The following GCFC2 variants were observed in gnomAD, a reference collection of about 807,000 sequenced individuals.
GCFC2 encodes the protein GC-rich sequence DNA-binding factor 2.
Under a neutral mutation model 99.4 loss-of-function variants are expected in GCFC2, and 102 were observed. That is an observed-to-expected ratio of 1.03 (90% CI 0.87 to 1.21). The LOEUF (loss-of-function observed/expected upper bound fraction) is 1.21. GCFC2 is among the 50% of genes most tolerant of loss of function. The probability of loss-of-function intolerance (pLI) is 0.00; values close to 1 mark genes in which losing one functional copy is unlikely to be tolerated. For synonymous variants in GCFC2, 338 were observed against 316.8 expected (o/e 1.07, Z -0.71); for missense variants, 973 against 920.9 (o/e 1.06, Z -0.73).
At chr2:75,682,800 C>T (rs1679637449) in intron 11 of GCFC2, among the ~76,000 whole-genome samples, 1 of 151,792 alleles carries the variant, frequency 6.6e-6, no homozygotes. Flanking sequence ...GTGAAGCATA[C>T]ACAGGTATCA....
chr2:75,694,558 A>G, intron 5 of GCFC2, 131 bp from the exon 6 acceptor site: 1 of 399,334 alleles, frequency 2.5e-6, no homozygotes. Flanking sequence ...CTAGATAAGC[A>G]AAGAACACCA....
intron 3 of GCFC2, 87 bp from the exon 4 acceptor site, chr2:75,701,374 G>C (rs1680583908): frequency 1.4e-6 from 1 of 720,090 alleles, no homozygotes; most frequent in Non-Finnish European, 2.5e-6. Context: ...TTATACAAAG[G>C]CTTAGCACCA....
At position 75,690,061 on chromosome 2, in the gene GCFC2, C is replaced by T. The variant is rs761063205; in HGVS notation, c.1247G>A (p.Arg416Lys). 6 of 1,602,324 alleles carry T rather than the reference C, an allele frequency of 3.7e-6. No homozygotes were observed. The South Asian group carries it at 5.5e-5, about 15-fold the overall frequency. ...ATGGTTACAATTCCCAGAAAGCACC[C>T]TTGCTTGTCTTCTTTTTGTCCTATA... Reference protein sequence around the residue: ...ESRRTKRRQARVLSGNCNHQE... With the variant: ...ESRRTKRRQAKVLSGNCNHQE... Residue 416 changes from arginine to lysine, a missense_variant, in exon 9 of 17, where the codon AGG becomes AAG. By Grantham distance (26) the Arg-to-Lys change is conservative. Coordinates refer to ENST00000321027, the MANE Select transcript of GCFC2 (RefSeq NM_003203.5).
intron 12 of GCFC2, among the ~76,000 whole-genome samples, chr2:75,674,929 G>GA (rs935748388): frequency 1.3e-4 from 19 of 151,612 alleles, no homozygotes; most frequent in African/African-American, 4.4e-4. Context: ...TCTGTTCAAA[G>GA]AAAAAAAAGC....
chr2:75,673,029 G>A (rs1679176859), intron 13 of GCFC2, among the ~76,000 whole-genome samples: 1 of 152,180 alleles, frequency 6.6e-6, no homozygotes, highest in Admixed American at 6.5e-5. Context: ...CACTATAGTT[G>A]GCCGGGCGCG....
chr2:75,686,180 ATAG>A (rs1469980309), intron 11 of GCFC2, among the ~76,000 whole-genome samples: 3 of 152,236 alleles, frequency 2.0e-5, no homozygotes, highest in South Asian at 4.1e-4. Flanking sequence ...TTAGTTAAAA[ATAG>A]TAACTTTCTA....
At chr2:75,671,379 T>C (rs1413600850) in intron 14 of GCFC2, among the ~76,000 whole-genome samples, 1 of 152,220 alleles carries the variant, frequency 6.6e-6, no homozygotes, top group East Asian at 1.9e-4. Context: ...TTCAGACTTA[T>C]GTATCCAACC....
intron 1 of GCFC2, 27 bp downstream of exon 1, chr2:75,710,564 C>A: frequency 6.8e-7 from 1 of 1,478,038 alleles, no homozygotes. Context: ...CCGTCACCTC[C>A]CCGCTTCCCC....
intron 12 of GCFC2, among the ~76,000 whole-genome samples, chr2:75,676,814 C>T (rs1250056316): frequency 6.6e-6 from 1 of 152,212 alleles, no homozygotes; most frequent in African/African-American, 2.4e-5. Flanking sequence ...TTTCTTGAAT[C>T]AGTCAATTTT....
Position 75,670,253 on chromosome 2 carries a change from A to T in GCFC2, c.1988T>A (p.Leu663His), listed in dbSNP as rs776391955. 2.5e-6 allele frequency: 4 copies of T among 1,606,308 alleles called. No individual in the cohort carries two copies. The highest frequency in any genetic ancestry group is 3.4e-6 in the Non-Finnish European group (4 of 1,173,154). ...TTCTTGCAAGGTGTCATCTGTAAGGAGTCCATTCCAAAGAAGAATATTGCG... is the reference window on the plus strand; with the variant it reads ...TTCTTGCAAGGTGTCATCTGTAAGGTGTCCATTCCAAAGAAGAATATTGCG... ...LFRNILLWNG[L>H]LTDDTLQELG... Residue 663 changes from leucine (L) to histidine (H), a missense_variant, in exon 15 of 17, where the codon CTC becomes CAC. Coordinates refer to ENST00000321027, the MANE Select transcript of GCFC2 (RefSeq NM_003203.5).
At chr2:75,668,869 A>G (rs536939913) in intron 15 of GCFC2, among the ~76,000 whole-genome samples, 11 of 152,308 alleles carry the variant, frequency 7.2e-5, no homozygotes, top group African/African-American at 2.6e-4. Flanking sequence ...AAAGAGCTGT[A>G]TCCCTCCTTC....
intron 6 of GCFC2, 57 bp from the exon 7 acceptor site, chr2:75,692,157 A>T: frequency 2.1e-6 from 1 of 471,980 alleles, no homozygotes; most frequent in Non-Finnish European, 3.4e-6. Flanking sequence ...ATATATATAT[A>T]TATATATATA....
upstream of GCFC2, chr2:75,711,184 C>T (rs1157941700): frequency 2.2e-5 from 22 of 985,222 alleles, no homozygotes; most frequent in Non-Finnish European, 2.3e-5. Context: ...TGTGCAAACC[C>T]CATCCAGAAA....
chr2:75,665,616 C>G (rs1404688044), intron 16 of GCFC2, among the ~76,000 whole-genome samples: 1 of 152,134 alleles, frequency 6.6e-6, no homozygotes, highest in Non-Finnish European at 1.5e-5. Context: ...ACTGTTGAGT[C>G]TCTAAAAATG....
upstream of GCFC2, chr2:75,711,073 C>G: frequency 7.6e-7 from 1 of 1,309,670 alleles, no homozygotes; most frequent in Non-Finnish European, 9.7e-7. Context: ...GTTTGCAAAG[C>G]ATTCCCTTTG....
At chr2:75,678,769 G>A (rs1213898321) in intron 12 of GCFC2, among the ~76,000 whole-genome samples, 1 of 152,194 alleles carries the variant, frequency 6.6e-6, no homozygotes, top group African/African-American at 2.4e-5. Flanking sequence ...CCTTTTAAGA[G>A]ACAGGGTTTT....
Position 75,689,171 on chromosome 2 carries a change from CA to C in GCFC2, c.1393del (p.Cys465ValfsTer8), listed in dbSNP as rs758271480. ...KVFEEVQDDF[C>X]NIQNILLKFQ... ...TTTCAACAAAATATTCTGGATGTTA[CA>C]AAAATCATCTTGCACTTCTTCAAAA... On this transcript the variant is annotated frameshift_variant, in exon 10 of 17. Coordinates refer to ENST00000321027, the MANE Select transcript of GCFC2 (RefSeq NM_003203.5). LOFTEE classifies it high-confidence loss of function. 6.2e-7 allele frequency: 1 copy of C among 1,605,154 alleles called. No individual in the cohort carries two copies. Among genetic ancestry groups the C allele is most frequent in the South Asian group, 1.1e-5 (1 of 89,748 alleles).
chr2:75,694,280 T>G lies in GCFC2; in HGVS notation c.981A>C (p.Lys327Asn). ...ALNCKFYKSM[K>N]IYVENLIDCL... ...AGTCAATTAAATTTTCCACATAAATTTTCATGCTTTTATAGAATTTACAAT... is the reference window on the plus strand; with the variant it reads ...AGTCAATTAAATTTTCCACATAAATGTTCATGCTTTTATAGAATTTACAAT... The change falls in exon 6 of 17, where the codon AAA becomes AAC. Residue 327 changes from lysine to asparagine, a missense_variant. Transcript: ENST00000321027. 2 of 1,148,024 alleles carry G rather than the reference T, an allele frequency of 1.7e-6. No individual in the cohort carries two copies. Among genetic ancestry groups the G allele is most frequent in the South Asian group, 2.9e-5 (2 of 68,654 alleles). The allele number at this position is 1,148,024 out of a possible 1,614,324, so 71.1% of individuals were successfully genotyped here.
chr2:75,690,489 G>C (rs1680017520), intron 8 of GCFC2, 149 bp downstream of exon 8: 2 of 594,594 alleles, frequency 3.4e-6, no homozygotes, highest in Non-Finnish European at 5.8e-6. Flanking sequence ...GTCAAGGGTG[G>C]TTTTACTAAA....
Sources: gnomAD v4.1 joint callset for allele counts (sites outside exome capture counted in the v4.1 genomes callset) on GRCh38, gnomAD v4.1.1 for gene constraint, MANE v1.5 for transcripts, NCBI Gene and HGNC (gene_info 2026-07-23, HGNC 2026-07-21) for gene names.